DELE1: variants seen among roughly 807,000 people sequenced by gnomAD.
The protein encoded by DELE1 is death ligand signal enhancer.
Under a neutral mutation model 59.3 loss-of-function variants are expected in DELE1, and 54 were observed. The observed-to-expected ratio is 0.91, with a 90% CI of 0.73 to 1.14. The LOEUF (loss-of-function observed/expected upper bound fraction) is 1.14. DELE1 is among the 50% of genes most tolerant of loss of function. The pLI is 0.00. For synonymous variants in DELE1, 264 were observed against 259.1 expected (o/e 1.02, Z -0.18); for missense variants, 636 against 643.9 (o/e 0.99, Z 0.13).
chr5:141,929,157 G>C (rs778205987), intron 4 of DELE1, among the ~76,000 whole-genome samples: 1 of 152,202 alleles, frequency 6.6e-6, no homozygotes. Flanking sequence ...AAGTGTCACA[G>C]GAGTTTCAAA....
rs61534287 is a variant in DELE1 at position 141,940,303 on chromosome 5, G to A, written c.*1544G>A. The A allele has an allele frequency of 0.017, 16,825 of 985,068 alleles. 2,155 individuals carry two copies. The African/African-American group carries it at 0.27, about 16-fold the overall frequency. 61.0% of individuals were successfully genotyped at this position (985,068 alleles called of 1,614,324 possible). A position where few individuals can be genotyped will look rare whatever the true frequency, so the allele number is the denominator to read the frequency against. ...AGGAGAGAGACTTAGGAAAAAAAAA[G>A]ATTTCTGAGTCAGTGCTAATGAGTC... On this transcript the variant is annotated 3_prime_UTR_variant, in exon 12 of 12. Coordinates refer to ENST00000432126, the MANE Select transcript of DELE1 (RefSeq NM_014773.5).
chr5:141,926,555 GAC>G (rs2126867169), intron 3 of DELE1, among the ~76,000 whole-genome samples: 1 of 152,328 alleles, frequency 6.6e-6, no homozygotes, highest in African/African-American at 2.4e-5. Context: ...GAATGAAGTT[GAC>G]ACACACATCA....
intron 11 of DELE1, 123 bp downstream of exon 11, chr5:141,937,480 C>A: frequency 8.3e-7 from 1 of 1,205,210 alleles, no homozygotes; most frequent in Non-Finnish European, 1.2e-6. Flanking sequence ...GCTAAGAATG[C>A]AGCTTTTGGG....
intron 3 of DELE1, 101 bp from the exon 4 acceptor site, chr5:141,928,050 C>T: frequency 1.5e-6 from 2 of 1,365,500 alleles, no homozygotes; most frequent in South Asian, 1.4e-5. Flanking sequence ...CGGGGAGCTG[C>T]CCCACCTGGA....
Position 141,930,161 on chromosome 5 carries a change from T to G in DELE1, c.658-17T>G, listed in dbSNP as rs1471369031. On this transcript the variant is annotated splice_polypyrimidine_tract_variant and intron_variant, in intron 6 of 11. Coordinates refer to ENST00000432126, the MANE Select transcript of DELE1 (RefSeq NM_014773.5). The stretch of plus-strand genomic sequence containing the variant: ...GGTAAACCATCCCTTGGTGAGTCTT[T>G]TATATTTCTTTCCCAGGAACAAGAT... 2.5e-6 allele frequency: 4 copies of G among 1,611,224 alleles called. No homozygotes were observed. The African/African-American group carries it at 5.3e-5, about 22-fold the overall frequency.
In DELE1 at chr5:141,937,271, C is replaced by G. The variant is rs769824979; in HGVS notation, c.1223C>G (p.Ala408Gly). The change falls in exon 11 of 12, where the codon GCC becomes GGC. Residue 408 changes from alanine to glycine, a missense_variant. Coordinates refer to ENST00000432126, the MANE Select transcript of DELE1 (RefSeq NM_014773.5). ...GGTGTGCAGAGGAATCTGGGAGAGG[C>G]CTTGAGATGTTACCAGCAGTCAGCC... The part of the protein sequence containing the change: ...GLGVQRNLGE[A>G]LRCYQQSAAL... 1 of 1,614,086 alleles carries G rather than the reference C, an allele frequency of 6.2e-7. No individual in the cohort carries two copies. The highest frequency in any genetic ancestry group is 8.5e-7 in the Non-Finnish European group (1 of 1,180,050).
intron 10 of DELE1, among the ~76,000 whole-genome samples, chr5:141,936,030 C>G (rs1752323554): frequency 6.6e-6 from 1 of 152,066 alleles, no homozygotes. Context: ...GACAACTCTT[C>G]CCAGAAGTTT....
rs1752096807 is a variant in DELE1, at chr5:141,933,388, G to A, written c.884G>A (p.Arg295Lys). The change falls in exon 8 of 12, where the codon AGG becomes AAG. Residue 295 changes from arginine to lysine, a missense_variant. Transcript: ENST00000432126. Reference protein sequence around the residue: ...LCHEHGRGTPRDISKAVLYYQ... With the variant: ...LCHEHGRGTPKDISKAVLYYQ... The stretch of plus-strand genomic sequence containing the variant: ...CATGAGCATGGCAGAGGCACCCCCA[G>A]GGACATTAGCAAGGTATTCCCCTGC... The A allele has an allele frequency of 3.3e-6, 5 of 1,503,012 alleles. No individual in the cohort carries two copies. Among genetic ancestry groups the A allele is most frequent in the Middle Eastern group, 2.1e-4 (1 of 4,804 alleles). The allele number at this position is 1,503,012 out of a possible 1,614,324, so 93.1% of individuals were successfully genotyped here.
intron 11 of DELE1, among the ~76,000 whole-genome samples, chr5:141,937,595 C>G (rs1021373405): frequency 2.7e-5 from 4 of 150,618 alleles, no homozygotes; most frequent in Non-Finnish European, 5.9e-5. Context: ...ACGGTGAAAC[C>G]CCGTCTCTAT....
intron 10 of DELE1, chr5:141,936,917 G>T (rs6580207): frequency 0.1 from 101,112 of 985,122 alleles, 6,844 homozygotes; most frequent in African/African-American, 0.32. Flanking sequence ...TGTAGCCTTC[G>T]TTGTGCATGC....
In DELE1 at chr5:141,933,341, G is replaced by T. The variant is rs144640883; in HGVS notation, c.837G>T (p.Ala279=). 174 of 1,553,178 alleles carry T rather than the reference G, an allele frequency of 1.1e-4. No homozygotes were observed. The African/African-American group carries it at 1.8e-3, about 16-fold the overall frequency. Residue 279 remains alanine, a synonymous_variant, in exon 8 of 12, where the codon GCG becomes GCT. Coordinates refer to ENST00000432126, the MANE Select transcript of DELE1 (RefSeq NM_014773.5). Reference sequence around the variant, plus strand: ...CTGCAGCCCGCGGCTACAGCAAAGCGCAGTACAATGCGGGCTTGTGTCATG... The same window carrying T: ...CTGCAGCCCGCGGCTACAGCAAAGCTCAGTACAATGCGGGCTTGTGTCATG... The part of the protein sequence containing the change: ...QKAAARGYSK[A]QYNAGLCHEH...
In DELE1 at chr5:141,940,513, G is replaced by GGAAAGTTGT. The variant is rs1752675628; in HGVS notation, c.*1755_*1763dup. The GGAAAGTTGT allele has an allele frequency of 1.0e-6, 1 of 985,270 alleles. No individual in the cohort carries two copies. 61.0% of individuals were successfully genotyped at this position (985,270 alleles called of 1,614,324 possible). A position where few individuals can be genotyped will look rare whatever the true frequency, so the allele number is the denominator to read the frequency against. ...TTCAAAGGCAAGAAGATTTGAGGGG[G>GGAAAGTTGT]GAAAGTTGTCCACGTTTCCCTCTCT... On this transcript the variant is annotated 3_prime_UTR_variant, in exon 12 of 12. Coordinates refer to ENST00000432126, the MANE Select transcript of DELE1 (RefSeq NM_014773.5).
At chr5:141,937,126 C>T (rs1752422143) in intron 10 of DELE1, 72 bp from the exon 11 acceptor site, 1 of 1,591,348 alleles carries the variant, frequency 6.3e-7, no homozygotes, top group Admixed American at 1.7e-5. Flanking sequence ...ACTTCATCTT[C>T]CTCCTCCCTT....
At chr5:141,925,723 A>T (rs1309445291) in intron 3 of DELE1, among the ~76,000 whole-genome samples, 196 bp downstream of exon 3, 1 of 152,184 alleles carries the variant, frequency 6.6e-6, no homozygotes, top group Non-Finnish European at 1.5e-5. Context: ...CATTTAATTC[A>T]GTAAACATTT....
Position 141,941,444 on chromosome 5 carries a change from A to G in DELE1, c.*2685A>G, listed in dbSNP as rs1752731883. 4 of 985,388 alleles carry G rather than the reference A, an allele frequency of 4.1e-6. No homozygotes were observed. In the African/African-American group the frequency reaches 7.0e-5, roughly 17 times the overall value. 61.0% of individuals were successfully genotyped at this position (985,388 alleles called of 1,614,324 possible). A position where few individuals can be genotyped will look rare whatever the true frequency, so the allele number is the denominator to read the frequency against. ...ACCAAAAATCCTTGGCTGTTCAGTC[A>G]CTGCGGTCTTGATCCAGCCCCAGGG... On this transcript the variant is annotated 3_prime_UTR_variant, in exon 12 of 12. Transcript: ENST00000432126.
chr5:141,934,540 A>T lies in DELE1; in HGVS notation c.1103A>T (p.Asp368Val). 1 of 1,614,228 alleles carries T rather than the reference A, an allele frequency of 6.2e-7. No homozygotes were observed. Among genetic ancestry groups the T allele is most frequent in the Non-Finnish European group, 8.5e-7 (1 of 1,180,038 alleles). ...CTTTTCACCAAGGAGCCCTACCTGG[A>T]TGAGCAGAGAGCTGTGAAATATCTT... is the stretch of plus-strand genomic sequence containing the variant. ...GVLFTKEPYL[D>V]EQRAVKYLWL... Residue 368 changes from aspartate (D) to valine (V), a missense_variant, in exon 10 of 12, where the codon GAT (aspartate) becomes GTT (valine). Asp to Val is a radical substitution (Grantham distance 152, BLOSUM62 -3). Coordinates refer to ENST00000432126, the MANE Select transcript of DELE1 (RefSeq NM_014773.5).
chr5:141,936,278 A>G (rs1332379041), intron 10 of DELE1, among the ~76,000 whole-genome samples: 7 of 152,166 alleles, frequency 4.6e-5, no homozygotes, highest in African/African-American at 1.7e-4. Flanking sequence ...ACAGCTGGTA[A>G]GTGGTAGAGC....
At chr5:141,928,120 G>A in intron 3 of DELE1, 31 bp from the exon 4 acceptor site, 1 of 1,603,306 alleles carries the variant, frequency 6.2e-7, no homozygotes, top group South Asian at 1.1e-5. Flanking sequence ...ATTGGTGAAG[G>A]ACCGTGTCCT....
Position 141,939,435 on chromosome 5 carries a change from T to C in DELE1, c.*676T>C, listed in dbSNP as rs1479270268. 2.0e-6 allele frequency: 2 copies of C among 985,744 alleles called. No homozygotes were observed. The highest frequency in any genetic ancestry group is 3.5e-5 in the African/African-American group (2 of 57,238). 61.1% of individuals were successfully genotyped at this position (985,744 alleles called of 1,614,324 possible). A position where few individuals can be genotyped will look rare whatever the true frequency, so the allele number is the denominator to read the frequency against. ...CTCTGAATTAGGCCATCCTCGAGACTAGCCCACCATTCACCTCTGTTCATC... is the reference window on the plus strand; with the variant it reads ...CTCTGAATTAGGCCATCCTCGAGACCAGCCCACCATTCACCTCTGTTCATC... On this transcript the variant is annotated 3_prime_UTR_variant, in exon 12 of 12. Transcript: ENST00000432126.
Sources: allele counts gnomAD v4.1 joint callset (sites outside exome capture counted in the v4.1 genomes callset), GRCh38; gene constraint gnomAD v4.1.1; transcripts MANE v1.5; gene names NCBI Gene and HGNC (gene_info 2026-07-23, HGNC 2026-07-21).